The following CES1 variants were observed in gnomAD, a reference collection of about 807,000 sequenced individuals.
The protein encoded by CES1 is carboxylesterase 1, also known as liver carboxylesterase 1.
Under a neutral mutation model 53.0 loss-of-function variants are expected in CES1, and 50 were observed. The ratio of observed to expected loss-of-function variants is 0.94; its 90% CI spans 0.75 to 1.19. The LOEUF (loss-of-function observed/expected upper bound fraction) is 1.19, where lower values mean the gene tolerates loss of function less well. Among genes scored for constraint, CES1 ranks in the 50% most tolerant of loss-of-function variants. CES1 has a pLI of 0.00. For missense variants in CES1, 534 were observed against 538.0 expected (o/e 0.99, Z 0.07); for synonymous variants, 202 against 210.1 (o/e 0.96, Z 0.33).
chr16:55,814,610 G>C (rs1173909054), intron 8 of CES1, among the ~76,000 whole-genome samples: 8 of 152,218 alleles, frequency 5.3e-5, no homozygotes, highest in Non-Finnish European at 1.2e-4. Context: ...GGTATTACTT[G>C]TTAGCAAGGT....
chr16:55,814,595 T>C (rs1431762037), intron 8 of CES1, among the ~76,000 whole-genome samples: 1 of 152,258 alleles, frequency 6.6e-6, no homozygotes, highest in Admixed American at 6.5e-5. Context: ...GCTGAATAAC[T>C]GTTAGGTATT....
At chr16:55,830,773 AGAAGGAAGGAAGGAAG>A (rs1200351837) in intron 1 of CES1, among the ~76,000 whole-genome samples, 15 of 76,982 alleles carry the variant, frequency 1.9e-4, no homozygotes, top group African/African-American at 5.2e-4. Context: ...AAGGAAGGAA[AGAAGGAAGGAAGGAAG>A]GAAGGAAGGA....
At chr16:55,827,499 A>G (rs2142351349) in intron 2 of CES1, among the ~76,000 whole-genome samples, 1 of 152,230 alleles carries the variant, frequency 6.6e-6, no homozygotes, top group African/African-American at 2.4e-5. Flanking sequence ...GGAGGAGTGT[A>G]GTTGGAATAT....
Position 55,810,775 on chromosome 16 carries a change from C to T in CES1, c.1171-111G>A, listed in dbSNP as rs561918231. 43 of 1,466,960 alleles carry T rather than the reference C, an allele frequency of 2.9e-5. 1 individual carries two copies. Among genetic ancestry groups the T allele is most frequent in the African/African-American group, 4.2e-5 (3 of 71,302 alleles). The allele number at this position is 1,466,960 out of a possible 1,614,324, so 90.9% of individuals were successfully genotyped here. On this transcript the variant is annotated intron_variant, in intron 10 of 13. Coordinates refer to ENST00000360526, the MANE Select transcript of CES1 (RefSeq NM_001025195.2). ...ACCCCATAAGCCCTGTGCAACTCCC[C>T]GCTAGGGTGGAAAATGAAGTGGGAA...
At chr16:55,832,887 T>C (rs545592900) in intron 1 of CES1, 117 bp downstream of exon 1, 70 of 992,298 alleles carry the variant, frequency 7.1e-5, no homozygotes, top group Middle Eastern at 6.9e-4. Flanking sequence ...ATGGAAGTCG[T>C]GCCCCGCCGC....
chr16:55,831,714 C>A (rs1253238499), intron 1 of CES1, among the ~76,000 whole-genome samples: 2 of 149,240 alleles, frequency 1.3e-5, no homozygotes, highest in Non-Finnish European at 3.0e-5. Context: ...CTTCTCTGCC[C>A]TTCCCCACAG....
intron 11 of CES1, among the ~76,000 whole-genome samples, chr16:55,808,416 C>T (rs1239128821): frequency 1.8e-4 from 28 of 152,362 alleles, no homozygotes; most frequent in African/African-American, 4.8e-4. Flanking sequence ...TCATGGAGGA[C>T]ATGCAGATTA....
intron 1 of CES1, among the ~76,000 whole-genome samples, chr16:55,830,734 G>A (rs2032607660): frequency 6.6e-6 from 1 of 151,172 alleles, no homozygotes; most frequent in Non-Finnish European, 1.5e-5. Flanking sequence ...AGGAAAGATG[G>A]AAGGATGGAA....
chr16:55,823,139 T>C (rs2032270851), intron 4 of CES1, among the ~76,000 whole-genome samples: 1 of 151,854 alleles, frequency 6.6e-6, no homozygotes, highest in South Asian at 2.1e-4. Context: ...GCTCCCTCTG[T>C]GACTCTGCCC....
chr16:55,832,051 C>T (rs9926611), intron 1 of CES1, among the ~76,000 whole-genome samples: 30,999 of 150,212 alleles, frequency 0.21, 1,544 homozygotes, highest in Middle Eastern at 0.23. Flanking sequence ...CCTCTTTGAT[C>T]GGGTTGCCAT....
intron 11 of CES1, among the ~76,000 whole-genome samples, chr16:55,808,955 T>C (rs1455337305): frequency 6.6e-6 from 1 of 152,042 alleles, no homozygotes; most frequent in African/African-American, 2.4e-5. Flanking sequence ...GAGTGATACA[T>C]AGTTTCTTCT....
chr16:55,821,325 T>C, intron 5 of CES1, 43 bp downstream of exon 5: 1 of 1,613,360 alleles, frequency 6.2e-7, no homozygotes, highest in South Asian at 1.1e-5. Context: ...CTCATCAGCA[T>C]CACATCAAGC....
At chr16:55,829,761 C>T (rs1208597220) in intron 1 of CES1, among the ~76,000 whole-genome samples, 3 of 152,330 alleles carry the variant, frequency 2.0e-5, no homozygotes, top group South Asian at 4.1e-4. Flanking sequence ...CAGCAGGAAC[C>T]GTTCCAGATA....
chr16:55,821,335 C>A (rs1432812734), intron 5 of CES1, 33 bp downstream of exon 5: 2 of 1,613,816 alleles, frequency 1.2e-6, no homozygotes, highest in Non-Finnish European at 1.7e-6. Context: ...TCACATCAAG[C>A]GTGGGGTTGG....
intron 9 of CES1, among the ~76,000 whole-genome samples, chr16:55,811,517 A>G (rs1416415007): frequency 1.3e-5 from 2 of 152,210 alleles, no homozygotes; most frequent in Non-Finnish European, 2.9e-5. Context: ...CTCTACGCAC[A>G]TAACAACTCT....
At chr16:55,823,883 T>A (rs2032314468) in intron 3 of CES1, among the ~76,000 whole-genome samples, 200 bp from the exon 4 acceptor site, 1 of 152,274 alleles carries the variant, frequency 6.6e-6, no homozygotes, top group Non-Finnish European at 1.5e-5. Context: ...ACCACCCTAC[T>A]GCACATACCC....
chr16:55,817,808 C>A (rs1210861075), intron 7 of CES1, among the ~76,000 whole-genome samples: 4 of 151,844 alleles, frequency 2.6e-5, no homozygotes, highest in Non-Finnish European at 5.9e-5. Context: ...GTACTGGAGG[C>A]AGCGCGTAAT....
chr16:55,808,475 A>C lies in CES1; in HGVS notation c.1319-2011T>G, dbSNP rs536847631. Among the ~76,000 whole-genome samples the C allele has an allele frequency of 5.9e-5, 9 of 152,254 alleles. 1 individual carries two copies. The South Asian group carries it at 1.0e-3, about 18-fold the overall frequency. ...TGGTGGGGAAGGCTTATGAAACTGG[A>C]AGTGTTATGCTAATTTTTAATCTTA... On this transcript the variant is annotated intron_variant, in intron 11 of 13. Coordinates refer to ENST00000360526, the MANE Select transcript of CES1 (RefSeq NM_001025195.2).
intron 8 of CES1, among the ~76,000 whole-genome samples, chr16:55,813,909 A>C (rs28483537): frequency 0.036 from 5,531 of 152,302 alleles, 326 homozygotes; most frequent in African/African-American, 0.12. Context: ...GCCTCGCCGG[A>C]TCTCAGATGG....
Sources: gnomAD v4.1 joint callset for allele counts (sites outside exome capture counted in the v4.1 genomes callset) on GRCh38, gnomAD v4.1.1 for gene constraint, MANE v1.5 for transcripts, NCBI Gene and HGNC (gene_info 2026-07-23, HGNC 2026-07-21) for gene names.